Variants in ING3 observed in about 807,000 individuals in gnomAD.
The protein encoded by ING3 is inhibitor of growth family member 3.
Under a neutral mutation model 64.8 loss-of-function variants are expected in ING3, and 6 were observed. The observed-to-expected ratio is 0.09, with a 90% CI of 0.05 to 0.18. ING3 has a LOEUF of 0.18. Ranked by LOEUF, ING3 falls within the 10% of genes least tolerant of loss-of-function variation. The pLI, the probability that ING3 is intolerant of heterozygous loss-of-function variation, is 1.00. For synonymous variants in ING3, 170 were observed against 173.7 expected (o/e 0.98, Z 0.17); for missense variants, 310 against 489.7 (o/e 0.63, Z 3.46).
At chr7:120,955,694 G>T in intron 4 of ING3, 70 bp downstream of exon 4, 1 of 1,055,760 alleles carries the variant, frequency 9.5e-7, no homozygotes. Flanking sequence ...AATTGTATTG[G>T]CTTAAATGTA....
intron 4 of ING3, among the ~76,000 whole-genome samples, chr7:120,962,751 A>C (rs753868506): frequency 7.2e-5 from 11 of 152,054 alleles, no homozygotes; most frequent in Non-Finnish European, 1.6e-4. Flanking sequence ...CTATTTGAAT[A>C]CAATCCATCT....
rs1355096295 is a variant in ING3, at chr7:120,966,676, C to G, written c.415C>G (p.His139Asp). ...ACAGCCAGTGAACAATCACCATGCTCATTCACATACTCCAGTGGAAAGTAA... is the reference window on the plus strand; with the variant it reads ...ACAGCCAGTGAACAATCACCATGCTGATTCACATACTCCAGTGGAAAGTAA... ...PSQPVNNHHAHSHTPVEKRKY... is the reference protein window; with the variant it reads ...PSQPVNNHHADSHTPVEKRKY... The change falls in exon 6 of 12, where the codon CAT (histidine) becomes GAT (aspartate). Residue 139 changes from histidine (H) to aspartate (D), a missense_variant. Coordinates refer to ENST00000315870, the MANE Select transcript of ING3 (RefSeq NM_019071.3). 6.2e-7 allele frequency: 1 copy of G among 1,613,174 alleles called. No individual in the cohort carries two copies. The highest frequency in any genetic ancestry group is 1.1e-5 in the South Asian group (1 of 91,070).
In ING3 at chr7:120,973,651, A is replaced by G. The variant is rs114606522; in HGVS notation, c.1140+408A>G. ...GTGGGATAATTGAGGATCTAATGTG[A>G]GATTATCTTCCTCTCATGAGTATAA... is the stretch of plus-strand genomic sequence containing the variant. On this transcript the variant is annotated intron_variant, in intron 11 of 11. Coordinates refer to ENST00000315870, the MANE Select transcript of ING3 (RefSeq NM_019071.3). Among the ~76,000 whole-genome samples, 736 of 152,280 alleles carry G rather than the reference A, an allele frequency of 4.8e-3. 7 individuals are homozygous for G. Among genetic ancestry groups the G allele is most frequent in the African/African-American group, 0.017 (688 of 41,548 alleles).
At chr7:120,966,268 C>G (rs1485370837) in intron 5 of ING3, among the ~76,000 whole-genome samples, 2 of 152,106 alleles carry the variant, frequency 1.3e-5, no homozygotes, top group Non-Finnish European at 2.9e-5. Context: ...AAAAGGTCTT[C>G]AACTCAGTAA....
chr7:120,951,100 G>T (rs897864187), intron 1 of ING3, 64 bp from the exon 2 acceptor site: 4 of 1,571,344 alleles, frequency 2.5e-6, no homozygotes, highest in East Asian at 2.2e-5. Flanking sequence ...ACGCACGCGC[G>T]CAGTGACGTA....
intron 1 of ING3, 95 bp downstream of exon 1, chr7:120,951,019 G>A: frequency 2.7e-6 from 4 of 1,487,186 alleles, no homozygotes; most frequent in African/African-American, 1.4e-5. Context: ...GGGAGGGGGC[G>A]GCGGGGGATG....
In ING3 at chr7:120,967,601, C is replaced by T. The variant is rs1372958359; in HGVS notation, c.509C>T (p.Ala170Val). Residue 170 changes from alanine (A) to valine (V), a missense_variant, in exon 7 of 12, where the codon GCT (alanine) becomes GTT (valine). Physicochemically the swap from Ala to Val is moderately conservative, Grantham distance 64. Around this residue, in one of 3 missense-constraint regions of ING3, gnomAD observed 233 missense variants for 289.4 expected, o/e 0.81. Coordinates refer to ENST00000315870, the MANE Select transcript of ING3 (RefSeq NM_019071.3). ...CCTGAAAAGAAATTTAAATCTGAAG[C>T]TCTTCTATCCACCCTTACGTCAGAT... ...HIPEKKFKSE[A>V]LLSTLTSDAS... 1.2e-6 allele frequency: 2 copies of T among 1,606,960 alleles called. No homozygotes were observed. Among genetic ancestry groups the T allele is most frequent in the East Asian group, 2.2e-5 (1 of 44,702 alleles).
intron 4 of ING3, among the ~76,000 whole-genome samples, chr7:120,957,296 C>T (rs1432071860): frequency 1.3e-5 from 2 of 150,868 alleles, no homozygotes; most frequent in African/African-American, 2.4e-5. Context: ...GGCGGGAACC[C>T]GGGAGGCGGA....
chr7:120,972,130 A>G (rs1265522253), intron 10 of ING3, among the ~76,000 whole-genome samples: 1 of 152,044 alleles, frequency 6.6e-6, no homozygotes, highest in Non-Finnish European at 1.5e-5. Flanking sequence ...CTAAAATTTT[A>G]ATTTTATGTA....
At chr7:120,964,124 G>A (rs1042256067) in intron 4 of ING3, among the ~76,000 whole-genome samples, 9 of 152,094 alleles carry the variant, frequency 5.9e-5, no homozygotes, top group South Asian at 2.1e-4. Context: ...TAGGGAAATA[G>A]TATTATAAAT....
chr7:120,954,428 C>T (rs1176231079), intron 3 of ING3, among the ~76,000 whole-genome samples: 6 of 148,734 alleles, frequency 4.0e-5, no homozygotes, highest in East Asian at 2.0e-4. Flanking sequence ...AGTGAGACTC[C>T]GTCTCAAAAA....
chr7:120,976,964 C>A lies in ING3; in HGVS notation c.*2120C>A, dbSNP rs1796142710. On this transcript the variant is annotated 3_prime_UTR_variant, in exon 12 of 12. Coordinates refer to ENST00000315870, the MANE Select transcript of ING3 (RefSeq NM_019071.3). Reference sequence around the variant, plus strand: ...ACATGGAACTACCTCATCAACCCCCCAAAAATGTGGCCAACTATTAATATT... The same window carrying A: ...ACATGGAACTACCTCATCAACCCCCAAAAAATGTGGCCAACTATTAATATT... 6.6e-6 allele frequency: 1 copy of A among 152,162 alleles called. No homozygotes were observed. Among genetic ancestry groups the A allele is most frequent in the Admixed American group, 6.5e-5 (1 of 15,276 alleles). 9.4% of individuals were successfully genotyped at this position (152,162 alleles called of 1,614,324 possible). A position where few individuals can be genotyped will look rare whatever the true frequency, so the allele number is the denominator to read the frequency against.
Position 120,951,226 on chromosome 7 carries a change from C to G in ING3, c.91C>G (p.Gln31Glu). Reference sequence around the variant, plus strand: ...CACGGAAATGCGCGAGATGGACCTGCAGGTGCAGAGTAAGTCGGCGCGTCT... The same window carrying G: ...CACGGAAATGCGCGAGATGGACCTGGAGGTGCAGAGTAAGTCGGCGCGTCT... ...RFTEMREMDL[Q>E]VQNAMDQLEQ... is the part of the protein sequence containing the mutation. The change falls in exon 2 of 12, where the codon CAG becomes GAG. Residue 31 changes from glutamine (Q) to glutamate (E), a missense_variant. Gln to Glu is a conservative substitution (Grantham distance 29). Around this residue, in one of 3 missense-constraint regions of ING3, gnomAD observed 53 missense variants for 116.2 expected, o/e 0.46. Transcript: ENST00000315870. The G allele has an allele frequency of 6.2e-7, 1 of 1,614,152 alleles. No homozygotes were observed. Among genetic ancestry groups the G allele is most frequent in the Non-Finnish European group, 8.5e-7 (1 of 1,180,008 alleles).
intron 5 of ING3, among the ~76,000 whole-genome samples, chr7:120,965,513 G>A (rs1046185109): frequency 1.1e-4 from 16 of 152,114 alleles, no homozygotes; most frequent in Non-Finnish European, 1.6e-4. Context: ...TGTGGTACTA[G>A]GTGTAGAGTA....
chr7:120,966,531 C>A, intron 5 of ING3, 95 bp from the exon 6 acceptor site: 1 of 921,192 alleles, frequency 1.1e-6, no homozygotes, highest in Non-Finnish European at 1.8e-6. Context: ...TAGTCCTCTG[C>A]TGGGTAAGGG....
At chr7:120,972,080 A>G (rs1291348106) in intron 10 of ING3, among the ~76,000 whole-genome samples, 3 of 151,950 alleles carry the variant, frequency 2.0e-5, no homozygotes, top group Admixed American at 1.3e-4. Flanking sequence ...TTTGTTATGT[A>G]CTCTAAATAT....
chr7:120,968,476 A>G (rs1158444025), intron 8 of ING3, among the ~76,000 whole-genome samples: 3 of 152,130 alleles, frequency 2.0e-5, no homozygotes, highest in South Asian at 2.1e-4. Flanking sequence ...TAGTTTGCCT[A>G]TATTCCAAAT....
chr7:120,962,055 C>T (rs1343239688), intron 4 of ING3, among the ~76,000 whole-genome samples: 1 of 152,096 alleles, frequency 6.6e-6, no homozygotes, highest in Non-Finnish European at 1.5e-5. Flanking sequence ...GTGCTGTAAC[C>T]GTTCAGAATC....
intron 4 of ING3, among the ~76,000 whole-genome samples, chr7:120,962,197 A>G (rs1217434876): frequency 2.0e-5 from 3 of 152,170 alleles, no homozygotes; most frequent in Non-Finnish European, 2.9e-5. Context: ...GGACTTTCCA[A>G]CTTCTAATTT....
Sources: gnomAD v4.1 joint callset for allele counts (sites outside exome capture counted in the v4.1 genomes callset) on GRCh38, gnomAD v4.1.1 for gene constraint, gnomAD v4.1.1 regional missense constraint, MANE v1.5 for transcripts, NCBI Gene and HGNC (gene_info 2026-07-23, HGNC 2026-07-21) for gene names.